The following CENPQ variants were observed in gnomAD, a reference collection of about 807,000 sequenced individuals.
The protein encoded by CENPQ is centromere protein Q.
In CENPQ, 27 loss-of-function variants were observed where a neutral mutation model predicts 36.6. The ratio of observed to expected loss-of-function variants is 0.74; its 90% CI spans 0.54 to 1.02. The LOEUF (loss-of-function observed/expected upper bound fraction) is 1.02. Ranked by LOEUF, CENPQ falls within the 50% of genes least tolerant of loss-of-function variation. The pLI is 0.00. For synonymous variants in CENPQ, 101 were observed against 101.7 expected (o/e 0.99, Z 0.04); for missense variants, 306 against 301.8 (o/e 1.01, Z -0.10).
In CENPQ at chr6:49,488,631, G is replaced by A; in HGVS notation, c.622G>A (p.Val208Ile). The A allele has an allele frequency of 6.2e-7, 1 of 1,613,598 alleles. No homozygotes were observed. Residue 208 changes from valine (V) to isoleucine (I), a missense_variant, in exon 8 of 9, where the codon GTA becomes ATA. Val to Ile is a conservative substitution (Grantham distance 29). Transcript: ENST00000335783. ...KQMHQINSSG[V>I]LSLPELSQKT... ...GATGCATCAAATAAATAGTAGTGGA[G>A]TACTCTCTCTTCCGGAACTTTCTCA...
Position 49,470,173 on chromosome 6 carries a change from C to CAAGA in CENPQ, c.-3_1dup. 1.9e-6 allele frequency: 3 copies of CAAGA among 1,544,210 alleles called. No individual in the cohort carries two copies. The highest frequency in any genetic ancestry group is 1.8e-6 in the Non-Finnish European group (2 of 1,130,172). On this transcript the variant is annotated 5_prime_UTR_variant, in exon 2 of 9. Transcript: ENST00000335783. ...TTTTTTCGAAGCACTGTGTTTAGAT[C>CAAGA]AAGATGTCTGGTAAAGCAAATGCTT...
chr6:49,470,852 T>C (rs559926427), intron 2 of CENPQ, 122 bp from the exon 3 acceptor site: 1 of 473,892 alleles, frequency 2.1e-6, no homozygotes, highest in Non-Finnish European at 3.5e-6. Context: ...ACATACATTT[T>C]TTCTATGTAC....
intron 4 of CENPQ, 126 bp downstream of exon 4, chr6:49,472,309 T>A: frequency 1.2e-5 from 9 of 770,244 alleles, no homozygotes; most frequent in African/African-American, 1.8e-5. Context: ...CGGAAGCAGA[T>A]AAAATTAATG....
At position 49,481,028 on chromosome 6, in the gene CENPQ, A is replaced by C; in HGVS notation, c.425A>C (p.Asn142Thr). The change falls in exon 6 of 9, where the codon AAT becomes ACT. Residue 142 changes from asparagine to threonine, a missense_variant. By Grantham distance (65) the Asn-to-Thr change is moderately conservative (BLOSUM62 0). Coordinates refer to ENST00000335783, the MANE Select transcript of CENPQ (RefSeq NM_018132.4). ...EDLTNVSSLL[N>T]MERARDKANE... ...TTAACTAATGTATCAAGTCTACTGA[A>C]TATGGAAAGGGCACGAGACAAAGCT... 6.2e-7 allele frequency: 1 copy of C among 1,611,846 alleles called. No individual in the cohort carries two copies. The highest frequency in any genetic ancestry group is 8.5e-7 in the Non-Finnish European group (1 of 1,179,000).
intron 5 of CENPQ, among the ~76,000 whole-genome samples, chr6:49,473,457 G>C (rs1437469804): frequency 6.6e-6 from 1 of 152,068 alleles, no homozygotes; most frequent in Non-Finnish European, 1.5e-5. Context: ...ATCCTTTACA[G>C]ACAAGCAAAT....
intron 5 of CENPQ, among the ~76,000 whole-genome samples, chr6:49,476,703 C>G (rs967037958): frequency 6.6e-6 from 1 of 152,060 alleles, no homozygotes; most frequent in African/African-American, 2.4e-5. Flanking sequence ...CCAGAATCTA[C>G]AATGAACTCA....
intron 5 of CENPQ, among the ~76,000 whole-genome samples, chr6:49,473,186 A>T (rs1768186701): frequency 6.6e-6 from 1 of 152,098 alleles, no homozygotes; most frequent in Non-Finnish European, 1.5e-5. Context: ...ATAGTTCACA[A>T]CTCTTATCTA....
At chr6:49,473,617 G>T (rs1179921259) in intron 5 of CENPQ, among the ~76,000 whole-genome samples, 1 of 152,074 alleles carries the variant, frequency 6.6e-6, no homozygotes, top group Non-Finnish European at 1.5e-5. Context: ...ATCAACTAAC[G>T]AGCAAAATAA....
chr6:49,469,010 G>C (rs1464948795), intron 1 of CENPQ, among the ~76,000 whole-genome samples: 1 of 152,190 alleles, frequency 6.6e-6, no homozygotes, highest in Non-Finnish European at 1.5e-5. Context: ...ATGAGTGTTT[G>C]GTAAGGTATC....
At chr6:49,474,872 A>G (rs975069683) in intron 5 of CENPQ, among the ~76,000 whole-genome samples, 2 of 152,246 alleles carry the variant, frequency 1.3e-5, no homozygotes, top group African/African-American at 4.8e-5. Flanking sequence ...AGAGAATACT[A>G]TAAACACCTC....
chr6:49,484,538 G>C (rs1768531955), intron 6 of CENPQ, among the ~76,000 whole-genome samples: 1 of 152,200 alleles, frequency 6.6e-6, no homozygotes, highest in African/African-American at 2.4e-5. Flanking sequence ...GAAGTAGTTT[G>C]TAGATGTGGT....
chr6:49,479,282 A>G (rs2501959), intron 5 of CENPQ, among the ~76,000 whole-genome samples: 62,481 of 151,970 alleles, frequency 0.41, 13,198 homozygotes, highest in Admixed American at 0.56. Context: ...ACAAATTAGC[A>G]AGCAAAAAAC....
rs533301290 is a variant in CENPQ, at chr6:49,482,686, C to T, written c.477+1606C>T. Among the ~76,000 whole-genome samples, 258 of 152,214 alleles carry T rather than the reference C, an allele frequency of 1.7e-3. 4 individuals carry two copies. The highest frequency in any genetic ancestry group is 5.8e-3 in the African/African-American group (242 of 41,542). On this transcript the variant is annotated intron_variant, in intron 6 of 8. Transcript: ENST00000335783. ...GATTGGCGATGGTCTCACCGCTCGG[C>T]GATTGTCTCACCGCTTGGCGATAGG... is the stretch of plus-strand genomic sequence containing the variant.
rs530320088 is a variant in CENPQ at position 49,486,928 on chromosome 6, C to T, written c.478-1424C>T. Among the ~76,000 whole-genome samples, 14 of 151,448 alleles carry T rather than the reference C, an allele frequency of 9.2e-5. No individual in the cohort carries two copies. In the East Asian group the frequency reaches 1.8e-3, roughly 19 times the overall value. Reference sequence around the variant, plus strand: ...TTTGGAGGCTGAGGCTGGTGGATAACCAGAGGTCAGGAGTTCAAGACCAGC... The same window carrying T: ...TTTGGAGGCTGAGGCTGGTGGATAATCAGAGGTCAGGAGTTCAAGACCAGC... On this transcript the variant is annotated intron_variant, in intron 6 of 8. Coordinates refer to ENST00000335783, the MANE Select transcript of CENPQ (RefSeq NM_018132.4).
At position 49,487,168 on chromosome 6, in the gene CENPQ, A is replaced by AAAAAAAAAAAAAAATGGTCCTGAGTTG; in HGVS notation, c.478-1183_478-1182insAAAAAAAAAAAAATGGTCCTGAGTTGA. Among the ~76,000 whole-genome samples the AAAAAAAAAAAAAAATGGTCCTGAGTTG allele has an allele frequency of 6.8e-4, 49 of 72,350 alleles. 1 individual carries two copies. The highest frequency in any genetic ancestry group is 1.3e-3 in the Non-Finnish European group (40 of 30,496). The allele number at this position is 72,350 out of a possible 152,430, so 47.5% of individuals were successfully genotyped here. On this transcript the variant is annotated intron_variant, in intron 6 of 8. Coordinates refer to ENST00000335783, the MANE Select transcript of CENPQ (RefSeq NM_018132.4). ...AACTCCATCTCAAAAAAAAAAAAAA[A>AAAAAAAAAAAAAAATGGTCCTGAGTTG]ATAAAAAAAATAAAAACAGAGTCTG...
At chr6:49,474,001 C>A (rs1768211744) in intron 5 of CENPQ, among the ~76,000 whole-genome samples, 1 of 152,086 alleles carries the variant, frequency 6.6e-6, no homozygotes. Flanking sequence ...AATACAGGAG[C>A]ACCCAGATTC....
chr6:49,473,155 A>G (rs1489770187), intron 5 of CENPQ, among the ~76,000 whole-genome samples: 5 of 152,166 alleles, frequency 3.3e-5, no homozygotes, highest in Non-Finnish European at 7.4e-5. Flanking sequence ...CTTCAACTTC[A>G]TTTTTAATAA....
At chr6:49,474,681 A>G (rs888026191) in intron 5 of CENPQ, among the ~76,000 whole-genome samples, 9 of 152,320 alleles carry the variant, frequency 5.9e-5, no homozygotes, top group Middle Eastern at 6.8e-3. Context: ...TAAAGGAGAT[A>G]GAGACACAAA....
At chr6:49,486,236 T>G (rs1768575775) in intron 6 of CENPQ, among the ~76,000 whole-genome samples, 1 of 152,218 alleles carries the variant, frequency 6.6e-6, no homozygotes, top group African/African-American at 2.4e-5. Context: ...TCTCCTCTCT[T>G]GTCTTCAGAG....
Sources: allele counts gnomAD v4.1 joint callset (sites outside exome capture counted in the v4.1 genomes callset), GRCh38; gene constraint gnomAD v4.1.1; transcripts MANE v1.5; gene names NCBI Gene and HGNC (gene_info 2026-07-23, HGNC 2026-07-21).